The following TBC1D17 variants were observed in gnomAD, a reference collection of about 807,000 sequenced individuals.
TBC1D17 encodes TBC1 domain family, member 17.
TBC1D17 carries 69 observed loss-of-function variants against 78.8 expected under a neutral mutation model. The observed-to-expected ratio is 0.88, with a 90% CI of 0.72 to 1.07. TBC1D17 has a LOEUF of 1.07. Ranked by LOEUF, TBC1D17 falls within the 50% of genes least tolerant of loss-of-function variation. The pLI, the probability that TBC1D17 is intolerant of heterozygous loss-of-function variation, is 0.00. For synonymous variants in TBC1D17, 456 were observed against 358.3 expected (o/e 1.27, Z -3.08); for missense variants, 957 against 861.0 (o/e 1.11, Z -1.39).
chr19:49,885,176 A>G (rs753783697), intron 13 of TBC1D17: 5 of 235,946 alleles, frequency 2.1e-5, no homozygotes, highest in African/African-American at 4.5e-5. Flanking sequence ...GACCAGGCAC[A>G]GTGGCTCACA....
chr19:49,888,699 C>A lies in TBC1D17; in HGVS notation c.*75C>A. On this transcript the variant is annotated 3_prime_UTR_variant, in exon 17 of 17. Transcript: ENST00000221543. ...ACACCTGCGAGGGGGCAGGTGTGCTCCGCCGCCCTGCTGATAAGCTGGCTT... is the reference window on the plus strand; with the variant it reads ...ACACCTGCGAGGGGGCAGGTGTGCTACGCCGCCCTGCTGATAAGCTGGCTT... The A allele has an allele frequency of 1.5e-6, 2 of 1,311,942 alleles. No individual in the cohort carries two copies. The highest frequency in any genetic ancestry group is 2.0e-6 in the Non-Finnish European group (2 of 977,912). The allele number at this position is 1,311,942 out of a possible 1,614,324, so 81.3% of individuals were successfully genotyped here. A position where few individuals can be genotyped will look rare whatever the true frequency, so the allele number is the denominator to read the frequency against.
At chr19:49,880,509 C>A in intron 4 of TBC1D17, 107 bp downstream of exon 4, 1 of 1,367,826 alleles carries the variant, frequency 7.3e-7, no homozygotes, top group Non-Finnish European at 9.8e-7. Context: ...ATCAAGAAGG[C>A]CACCAGTCAC....
intron 13 of TBC1D17, among the ~76,000 whole-genome samples, chr19:49,886,136 C>T (rs1036941531): frequency 7.9e-5 from 12 of 151,768 alleles, no homozygotes; most frequent in Admixed American, 2.0e-4. Flanking sequence ...AAAAATTAGC[C>T]GGGGGTGGTG....
chr19:49,887,329 G>T, intron 13 of TBC1D17, 147 bp from the exon 14 acceptor site: 1 of 739,146 alleles, frequency 1.4e-6, no homozygotes. Context: ...CCCGCGTTCA[G>T]GGCTGCTCCT....
At position 49,884,709 on chromosome 19, in the gene TBC1D17, A is replaced by ACTG; in HGVS notation, c.1404_1406dup (p.Leu470dup). ...AGACCATGAAGCGGCAACTCGGGCGACTGCTGCTGCTCCTGAGGGTGCTGG... is the reference window on the plus strand; with the variant it reads ...AGACCATGAAGCGGCAACTCGGGCGACTGCTGCTGCTGCTCCTGAGGGTGCTGG... On this transcript the variant is annotated inframe_insertion, in exon 13 of 17. Transcript: ENST00000221543. 6.2e-7 allele frequency: 1 copy of ACTG among 1,614,034 alleles called. No individual in the cohort carries two copies. Among genetic ancestry groups the ACTG allele is most frequent in the Non-Finnish European group, 8.5e-7 (1 of 1,180,004 alleles).
chr19:49,887,757 C>T lies in TBC1D17; in HGVS notation c.1582C>T (p.Leu528=), dbSNP rs2075071531. ...TGLPGPNLHL[L]VACAILDMER... Reference sequence around the variant, plus strand: ...GCTCCCTGGCCCCAATCTGCACCTGCTGGTGGCCTGCGCCATCCTGGACAT... The same window carrying T: ...GCTCCCTGGCCCCAATCTGCACCTGTTGGTGGCCTGCGCCATCCTGGACAT... Residue 528 remains leucine (L), a synonymous_variant, in exon 15 of 17, where the codon CTG becomes TTG. Transcript: ENST00000221543. The T allele has an allele frequency of 6.2e-7, 1 of 1,613,468 alleles. No homozygotes were observed. Among genetic ancestry groups the T allele is most frequent in the African/African-American group, 1.3e-5 (1 of 74,936 alleles).
Position 49,884,695 on chromosome 19 carries a change from C to G in TBC1D17, c.1381C>G (p.Arg461Gly), listed in dbSNP as rs745311773. The change falls in exon 13 of 17, where the codon CGG becomes GGG. Residue 461 changes from arginine to glycine, a missense_variant. Transcript: ENST00000221543. ...TGAAGAGAGCCAGGAGACCATGAAG[C>G]GGCAACTCGGGCGACTGCTGCTGCT... ...NFEESQETMKRQLGRLLLLLR... is the reference protein window; with the variant it reads ...NFEESQETMKGQLGRLLLLLR... The G allele has an allele frequency of 6.2e-7, 1 of 1,614,080 alleles. No homozygotes were observed. Among genetic ancestry groups the G allele is most frequent in the South Asian group, 1.1e-5 (1 of 91,072 alleles).
chr19:49,883,853 C>G (rs1184111211), intron 10 of TBC1D17, 108 bp downstream of exon 10: 2 of 940,484 alleles, frequency 2.1e-6, no homozygotes, highest in African/African-American at 3.2e-5. Context: ...CTCCCCAAGA[C>G]CAGTGAGAGG....
chr19:49,883,009 T>A lies in TBC1D17; in HGVS notation c.964T>A (p.Phe322Ile). The change falls in exon 9 of 17, where the codon TTC (phenylalanine) becomes ATC (isoleucine). Residue 322 changes from phenylalanine (F) to isoleucine (I), a missense_variant. Phe to Ile is a conservative substitution (Grantham distance 21). Transcript: ENST00000221543. ...SPSLRREAWKFLLGYLSWEGT... is the reference protein window; with the variant it reads ...SPSLRREAWKILLGYLSWEGT... ...CAGCCTGCGGCGCGAGGCCTGGAAG[T>A]TCCTCCTAGGGTACCTCAGCTGGGA... The A allele has an allele frequency of 6.2e-7, 1 of 1,611,180 alleles. No homozygotes were observed. Among genetic ancestry groups the A allele is most frequent in the Non-Finnish European group, 8.5e-7 (1 of 1,178,898 alleles).
chr19:49,878,676 G>C (rs1390191981), intron 3 of TBC1D17, 104 bp downstream of exon 3: 2 of 1,116,586 alleles, frequency 1.8e-6, no homozygotes, highest in Non-Finnish European at 2.7e-6. Flanking sequence ...CTACTCGTGG[G>C]GCATGTGTGA....
intron 7 of TBC1D17, 117 bp downstream of exon 7, chr19:49,882,517 C>A: frequency 6.9e-7 from 1 of 1,458,990 alleles, no homozygotes; most frequent in Non-Finnish European, 9.1e-7. Flanking sequence ...ATGGGACACC[C>A]TCAGGGGGTG....
At position 49,888,526 on chromosome 19, in the gene TBC1D17, G is replaced by GCCCCCCC; in HGVS notation, c.1853_1854insCCCCCCC (p.Thr620ProfsTer62). 5 of 1,533,214 alleles carry GCCCCCCC rather than the reference G, an allele frequency of 3.3e-6. No homozygotes were observed. Among genetic ancestry groups the GCCCCCCC allele is most frequent in the Non-Finnish European group, 4.4e-6 (5 of 1,141,156 alleles). 95.0% of individuals were successfully genotyped at this position (1,533,214 alleles called of 1,614,324 possible). A position where few individuals can be genotyped will look rare whatever the true frequency, so the allele number is the denominator to read the frequency against. ...CCCGCTGCCTCTGTCGCCCACCCGG[G>GCCCCCCC]CCCCGCCCACCCCGCCGCCCTCCAC... On this transcript the variant is annotated frameshift_variant, in exon 17 of 17. Transcript: ENST00000221543. LOFTEE classifies it low-confidence loss of function (END_TRUNC).
chr19:49,878,131 C>G lies in TBC1D17; in HGVS notation c.22-12C>G. 1 of 1,568,498 alleles carries G rather than the reference C, an allele frequency of 6.4e-7. No individual in the cohort carries two copies. Among genetic ancestry groups the G allele is most frequent in the South Asian group, 1.2e-5 (1 of 85,380 alleles). On this transcript the variant is annotated splice_polypyrimidine_tract_variant and intron_variant, in intron 1 of 16. Coordinates refer to ENST00000221543, the MANE Select transcript of TBC1D17 (RefSeq NM_024682.3). ...CTTGGGCCCCAGCCCTCGCTGGTTC[C>G]CCCCAACTCAGGTGGTGTTTGAGAA...
In TBC1D17 at chr19:49,884,451, C is replaced by G; in HGVS notation, c.1244-8C>G. 1 of 1,613,580 alleles carries G rather than the reference C, an allele frequency of 6.2e-7. No homozygotes were observed. The highest frequency in any genetic ancestry group is 2.2e-5 in the East Asian group (1 of 44,880). ...GCTTGGCTGCAGCCTGACCCCATGT[C>G]CCCCCAGGCTACGTCCAGGGCATGA... On this transcript the variant is annotated splice_polypyrimidine_tract_variant and splice_region_variant and intron_variant, in intron 11 of 16. Coordinates refer to ENST00000221543, the MANE Select transcript of TBC1D17 (RefSeq NM_024682.3).
In TBC1D17 at chr19:49,887,813, C is replaced by T; in HGVS notation, c.1638C>T (p.Phe546=). ...GGGACACCCTCATGCTGTCCGGCTT[C>T]GGCTCCAATGAGATCCTCAAGGTGA... ...MERDTLMLSG[F]GSNEILKHIN... The change falls in exon 15 of 17, where the codon TTC becomes TTT. Residue 546 remains phenylalanine, a synonymous_variant. Coordinates refer to ENST00000221543, the MANE Select transcript of TBC1D17 (RefSeq NM_024682.3). The T allele has an allele frequency of 3.7e-6, 6 of 1,610,602 alleles. No homozygotes were observed. Among genetic ancestry groups the T allele is most frequent in the Admixed American group, 1.7e-5 (1 of 59,664 alleles).
intron 13 of TBC1D17, 80 bp from the exon 14 acceptor site, chr19:49,887,396 G>A: frequency 7.0e-7 from 1 of 1,425,400 alleles, no homozygotes; most frequent in South Asian, 1.2e-5. Context: ...ACTTGGGGAA[G>A]GTCTTCCAGT....
Position 49,884,282 on chromosome 19 carries a change from A to G in TBC1D17, c.1156A>G (p.Asn386Asp). 1.9e-6 allele frequency: 3 copies of G among 1,613,974 alleles called. No homozygotes were observed. The highest frequency in any genetic ancestry group is 2.5e-6 in the Non-Finnish European group (3 of 1,180,020). ...ERDVSRTDRT[N>D]KFYEGPENPG... ...GGATGTGAGCCGCACTGACAGGACC[A>G]ACAAGTTCTACGAGGGTCCCGAGAA... The change falls in exon 11 of 17, where the codon AAC (asparagine) becomes GAC (aspartate). Residue 386 changes from asparagine (N) to aspartate (D), a missense_variant. Coordinates refer to ENST00000221543, the MANE Select transcript of TBC1D17 (RefSeq NM_024682.3).
intron 13 of TBC1D17, chr19:49,885,297 T>G: frequency 6.3e-6 from 1 of 157,844 alleles, no homozygotes; most frequent in Non-Finnish European, 1.4e-5. Context: ...AATACAAAAT[T>G]AGCTGGGCCT....
chr19:49,881,319 G>A lies in TBC1D17; in HGVS notation c.371G>A (p.Gly124Glu), dbSNP rs2075010625. 6.2e-7 allele frequency: 1 copy of A among 1,613,052 alleles called. No individual in the cohort carries two copies. Among genetic ancestry groups the A allele is most frequent in the Non-Finnish European group, 8.5e-7 (1 of 1,179,984 alleles). ...TCCTGGGCCTTCTCAGTGAGTCTGG[G>A]GGAGCTAAAGTCCATCCGCCGCTCC... ...QGSWAFSVSL[G>E]ELKSIRRSKP... Residue 124 changes from glycine (G) to glutamate (E), a missense_variant, in exon 5 of 17, where the codon GGG becomes GAG. Transcript: ENST00000221543.
Sources: gnomAD v4.1 joint callset for allele counts (sites outside exome capture counted in the v4.1 genomes callset) on GRCh38, gnomAD v4.1.1 for gene constraint, MANE v1.5 for transcripts, NCBI Gene and HGNC (gene_info 2026-07-23, HGNC 2026-07-21) for gene names.